The following BICRA variants were observed in gnomAD, a reference collection of about 807,000 sequenced individuals.
BICRA encodes the protein BRD4 interacting chromatin remodeling complex associated protein.
In BICRA, 31 loss-of-function variants were observed where a neutral mutation model predicts 96.9. That is an observed-to-expected ratio of 0.32 (90% CI 0.24 to 0.43). The LOEUF (loss-of-function observed/expected upper bound fraction) is 0.43, where lower values mean the gene tolerates loss of function less well. Ranked by LOEUF, BICRA falls within the 20% of genes least tolerant of loss-of-function variation. BICRA has a pLI of 1.00. For synonymous variants in BICRA, 1,350 were observed against 1,071.8 expected (o/e 1.26, Z -5.07); for missense variants, 2,283 against 2,190.3 (o/e 1.04, Z -0.84).
At chr19:47,632,414 C>T (rs537956657) in intron 1 of BICRA, among the ~76,000 whole-genome samples, 1 of 152,158 alleles carries the variant, frequency 6.6e-6, no homozygotes, top group Admixed American at 6.5e-5. Flanking sequence ...GTCCTACCTC[C>T]GATCTCAAGA....
intron 1 of BICRA, among the ~76,000 whole-genome samples, chr19:47,651,585 C>G (rs1972541774): frequency 6.6e-6 from 1 of 152,158 alleles, no homozygotes; most frequent in African/African-American, 2.4e-5. Context: ...TCCTCACTCC[C>G]AGCACCATCG....
intron 1 of BICRA, among the ~76,000 whole-genome samples, chr19:47,617,525 G>A (rs1434207420): frequency 2.6e-5 from 4 of 151,602 alleles, no homozygotes; most frequent in Admixed American, 6.6e-5. Flanking sequence ...CACCACACAC[G>A]GCTAATTGTT....
intron 11 of BICRA, 48 bp downstream of exon 11, chr19:47,696,560 A>G: frequency 6.5e-7 from 1 of 1,533,372 alleles, no homozygotes; most frequent in Non-Finnish European, 8.8e-7. Flanking sequence ...CCTTCCAGAG[A>G]CCTGGGGGAG....
intron 7 of BICRA, among the ~76,000 whole-genome samples, chr19:47,683,744 C>T (rs1003728650): frequency 1.3e-5 from 2 of 152,108 alleles, no homozygotes; most frequent in Non-Finnish European, 2.9e-5. Flanking sequence ...GCCACCACGC[C>T]GGGCTAATTT....
At chr19:47,665,528 G>C (rs1161136869) in intron 1 of BICRA, among the ~76,000 whole-genome samples, 1 of 152,212 alleles carries the variant, frequency 6.6e-6, no homozygotes, top group African/African-American at 2.4e-5. Flanking sequence ...GGAGTGCAGT[G>C]GCACGATCAC....
chr19:47,653,355 T>G (rs1972568966), intron 1 of BICRA, among the ~76,000 whole-genome samples: 1 of 151,914 alleles, frequency 6.6e-6, no homozygotes, highest in Non-Finnish European at 1.5e-5. Context: ...AAGGACATCT[T>G]TACTGACATA....
At chr19:47,681,381 C>A in intron 6 of BICRA, 105 bp downstream of exon 6, 4 of 986,716 alleles carry the variant, frequency 4.1e-6, no homozygotes, top group Non-Finnish European at 5.7e-6. Context: ...GCCACTGTGG[C>A]AGCTGGGGGG....
In BICRA at chr19:47,681,986, A is replaced by C; in HGVS notation, c.2117A>C (p.Gln706Pro). The C allele has an allele frequency of 6.4e-7, 1 of 1,564,718 alleles. No homozygotes were observed. Among genetic ancestry groups the C allele is most frequent in the Non-Finnish European group, 8.6e-7 (1 of 1,160,198 alleles). Residue 706 changes from glutamine (Q) to proline (P), a missense_variant, in exon 7 of 15, where the codon CAG becomes CCG. Physicochemically the swap from Gln to Pro is moderately conservative, Grantham distance 76. Transcript: ENST00000594866. ...GGCTGCCCGTTGCAGGAGAGGAGCC[A>C]GCAGCCCCTCTCCGCAGAGGGCCCC... Reference protein sequence around the residue: ...LQMFLPQERSQQPLSAEGPHL... With the variant: ...LQMFLPQERSPQPLSAEGPHL...
At position 47,698,166 on chromosome 19, in the gene BICRA, T is replaced by G. The variant is rs1465586; in HGVS notation, c.3249-468T>G. 0.8 allele frequency among the ~76,000 whole-genome samples: 121,948 copies of G among 152,106 alleles called. 49,473 individuals carry two copies. The highest frequency in any genetic ancestry group is 0.96 in the East Asian group (4,948 of 5,164). ...TGCCTGGTGGGGGAGACAGTCACAC[T>G]GCCAACAGACAAAACCCATTGTAAC... On this transcript the variant is annotated intron_variant, in intron 11 of 14. Coordinates refer to ENST00000594866, the MANE Select transcript of BICRA (RefSeq NM_001394372.1). This position sits in a 1 kb window ranked among gnomAD's most constrained non-coding sequence, Gnocchi z 4.8.
intron 1 of BICRA, among the ~76,000 whole-genome samples, chr19:47,657,982 C>A (rs1242379553): frequency 6.6e-6 from 1 of 151,912 alleles, no homozygotes; most frequent in Non-Finnish European, 1.5e-5. Flanking sequence ...ATTCTCTTGA[C>A]CTTCCCCTCA....
chr19:47,674,828 C>T lies in BICRA; in HGVS notation c.85-1023C>T, dbSNP rs550495284. Among the ~76,000 whole-genome samples the T allele has an allele frequency of 1.1e-4, 17 of 152,332 alleles. No homozygotes were observed. The South Asian group carries it at 3.5e-3, about 32-fold the overall frequency. On this transcript the variant is annotated intron_variant, in intron 4 of 14. Transcript: ENST00000594866. ...CGAGAGAGGACACAGGAGGAACCCG[C>T]AGTGCCCTTAATGACCCAGTCTCCA...
At chr19:47,643,895 G>A (rs889329280) in intron 1 of BICRA, among the ~76,000 whole-genome samples, 4 of 152,122 alleles carry the variant, frequency 2.6e-5, no homozygotes, top group Admixed American at 6.6e-5. Context: ...ATTCTGTTCC[G>A]ATGTCCATTT....
chr19:47,648,680 T>G lies in BICRA; in HGVS notation c.-107-21763T>G, dbSNP rs910648117. Among the ~76,000 whole-genome samples, 122 of 146,622 alleles carry G rather than the reference T, an allele frequency of 8.3e-4. 1 individual carries two copies. Among genetic ancestry groups the G allele is most frequent in the South Asian group, 4.0e-3 (18 of 4,532 alleles). On this transcript the variant is annotated intron_variant, in intron 1 of 14. Coordinates refer to ENST00000594866, the MANE Select transcript of BICRA (RefSeq NM_001394372.1). ...TGAGGTCAGGAGTTTTTTTTTTTTG[T>G]TTGTTTTTTTTTTTTTGAGACAGAG...
chr19:47,656,648 G>A (rs1449396494), intron 1 of BICRA, among the ~76,000 whole-genome samples: 1 of 152,004 alleles, frequency 6.6e-6, no homozygotes, highest in Admixed American at 6.6e-5. Context: ...TCTAATTTAT[G>A]TGCAGTAAAA....
rs142619534 is a variant in BICRA at position 47,674,524 on chromosome 19, A to T, written c.84+762A>T. Among the ~76,000 whole-genome samples, 38 of 152,298 alleles carry T rather than the reference A, an allele frequency of 2.5e-4. 1 individual carries two copies. Among genetic ancestry groups the T allele is most frequent in the Admixed American group, 1.3e-3 (20 of 15,284 alleles). On this transcript the variant is annotated intron_variant, in intron 4 of 14. Transcript: ENST00000594866. ...ATTATCCCAGCATGCAGTGCCTTCA[A>T]CAATTGTTAGAGCTCTTGCAGTGTC... is the stretch of plus-strand genomic sequence containing the variant.
chr19:47,667,602 G>A (rs1972801830), intron 1 of BICRA, among the ~76,000 whole-genome samples: 1 of 152,154 alleles, frequency 6.6e-6, no homozygotes, highest in African/African-American at 2.4e-5. Flanking sequence ...CCGCATTCCA[G>A]AGGAAAAGAA....
chr19:47,622,968 C>T (rs1268768641), intron 1 of BICRA, among the ~76,000 whole-genome samples: 3 of 150,008 alleles, frequency 2.0e-5, no homozygotes, highest in Non-Finnish European at 4.4e-5. Context: ...GCCCAGGAGG[C>T]GGAGGTTGCA....
At chr19:47,662,339 A>T (rs1300633709) in intron 1 of BICRA, 1 of 152,258 alleles carries the variant, frequency 6.6e-6, no homozygotes, top group African/African-American at 2.4e-5. Flanking sequence ...GGGCTTCTTC[A>T]CCTGGCAGCT....
chr19:47,618,602 C>T (rs754042726), intron 1 of BICRA, among the ~76,000 whole-genome samples: 8 of 152,092 alleles, frequency 5.3e-5, no homozygotes, highest in South Asian at 2.1e-4. Context: ...CATTCCCTTG[C>T]CATGCCCACC....
Sources: gnomAD v4.1 joint callset for allele counts (sites outside exome capture counted in the v4.1 genomes callset) on GRCh38, gnomAD v4.1.1 for gene constraint, Gnocchi (gnomAD v3.1) non-coding constraint, MANE v1.5 for transcripts, NCBI Gene and HGNC (gene_info 2026-07-23, HGNC 2026-07-21) for gene names.